The following POFUT3 variants were observed in gnomAD, a reference collection of about 807,000 sequenced individuals.
POFUT3 encodes the protein GDP-fucose protein O-fucosyltransferase 3.
the POFUT3 span, chr8:33,389,406 T>C: frequency 1.9e-6 from 3 of 1,614,192 alleles, no homozygotes; most frequent in Non-Finnish European, 2.5e-6. Flanking sequence ...GCTGGATTTT[T>C]CAGCTGCTGA....
At chr8:33,333,545 A>T in the POFUT3 span, among the ~76,000 whole-genome samples, 1 of 152,216 alleles carries the variant, frequency 6.6e-6, no homozygotes, top group Non-Finnish European at 1.5e-5. Flanking sequence ...TTCTTCAAAG[A>T]GTATTGATGT....
At chr8:33,372,102 C>A in the POFUT3 span, 1 of 956,122 alleles carries the variant, frequency 1.0e-6, no homozygotes, top group Non-Finnish European at 1.2e-6. Flanking sequence ...GCTTTTATTA[C>A]TCACTTACAT....
At chr8:33,456,227 C>A in the POFUT3 span, among the ~76,000 whole-genome samples, 1 of 152,202 alleles carries the variant, frequency 6.6e-6, no homozygotes, top group East Asian at 1.9e-4. Context: ...GGATACAACT[C>A]CAAAGGTAAA....
the POFUT3 span, among the ~76,000 whole-genome samples, chr8:33,323,222 G>A: frequency 1.1e-4 from 17 of 152,180 alleles, no homozygotes; most frequent in Non-Finnish European, 1.0e-4. Flanking sequence ...TATCTGAACT[G>A]TGTGTCTTGA....
the POFUT3 span, among the ~76,000 whole-genome samples, chr8:33,328,897 G>A: frequency 6.6e-6 from 1 of 152,160 alleles, no homozygotes; most frequent in Non-Finnish European, 1.5e-5. Flanking sequence ...AGCCTGGGCA[G>A]ACACCCATCC....
At chr8:33,457,588 A>G in the POFUT3 span, among the ~76,000 whole-genome samples, 1 of 152,108 alleles carries the variant, frequency 6.6e-6, no homozygotes, top group African/African-American at 2.4e-5. Flanking sequence ...ATATTCAGTA[A>G]TTGTTAATTT....
chr8:33,470,265 A>AAAAAG, the POFUT3 span, among the ~76,000 whole-genome samples: 2 of 138,726 alleles, frequency 1.4e-5, no homozygotes, highest in Non-Finnish European at 1.6e-5. Flanking sequence ...AAAAAAAAAA[A>AAAAAG]GTTAGCTGGG....
chr8:33,349,704 T>TCCATATTTTTGCA, the POFUT3 span, among the ~76,000 whole-genome samples: 4 of 152,220 alleles, frequency 2.6e-5, no homozygotes, highest in Non-Finnish European at 5.9e-5. Flanking sequence ...TTAGGCTAGT[T>TCCATATTTTTGCA]CCATATTTTT....
the POFUT3 span, among the ~76,000 whole-genome samples, chr8:33,308,149 T>C: frequency 6.6e-6 from 1 of 152,216 alleles, no homozygotes; most frequent in Non-Finnish European, 1.5e-5. Flanking sequence ...CATAATGTTG[T>C]TATACTATGT....
At chr8:33,380,023 ATATAC>A in the POFUT3 span, among the ~76,000 whole-genome samples, 1 of 86,330 alleles carries the variant, frequency 1.2e-5, no homozygotes, top group Admixed American at 1.5e-4. Context: ...TAGTATATAT[ATATAC>A]TATATATATA....
the POFUT3 span, among the ~76,000 whole-genome samples, chr8:33,439,007 A>C: frequency 6.6e-6 from 1 of 152,222 alleles, no homozygotes; most frequent in Non-Finnish European, 1.5e-5. Context: ...ACCCACAAAA[A>C]ATACATAGTA....
chr8:33,465,175 A>T, the POFUT3 span, among the ~76,000 whole-genome samples: 1 of 152,168 alleles, frequency 6.6e-6, no homozygotes, highest in African/African-American at 2.4e-5. Context: ...GAAGCAATTT[A>T]TTATAGTTAT....
chr8:33,393,663 C>G, the POFUT3 span, among the ~76,000 whole-genome samples: 1 of 152,168 alleles, frequency 6.6e-6, no homozygotes, highest in Non-Finnish European at 1.5e-5. Context: ...AATCACTCAT[C>G]TAGAGCTGAA....
At chr8:33,370,169 TAAAAAAAAAA>T in the POFUT3 span, among the ~76,000 whole-genome samples, 19 of 39,894 alleles carry the variant, frequency 4.8e-4, no homozygotes, top group South Asian at 9.2e-3. Context: ...CCATCTTTAC[TAAAAAAAAAA>T]AAAAAAAAAA....
At chr8:33,367,396 TC>T in the POFUT3 span, among the ~76,000 whole-genome samples, 6 of 152,234 alleles carry the variant, frequency 3.9e-5, no homozygotes, top group African/African-American at 1.4e-4. Flanking sequence ...TCCCTTCGTT[TC>T]CCGTAAGGAA....
At chr8:33,320,117 A>T in the POFUT3 span, among the ~76,000 whole-genome samples, 1 of 152,052 alleles carries the variant, frequency 6.6e-6, no homozygotes, top group East Asian at 1.9e-4. Flanking sequence ...TATGTCATTT[A>T]TATGAGATCT....
chr8:33,336,740 A>G, the POFUT3 span, among the ~76,000 whole-genome samples: 2 of 152,198 alleles, frequency 1.3e-5, no homozygotes, highest in African/African-American at 2.4e-5. Context: ...ACAATTCCTG[A>G]TATGGAGAAC....
the POFUT3 span, among the ~76,000 whole-genome samples, chr8:33,350,245 G>A: frequency 2.0e-5 from 3 of 152,096 alleles, no homozygotes; most frequent in Admixed American, 6.6e-5. Context: ...TTCCTTTGCT[G>A]TGCAGAAGCT....
the POFUT3 span, among the ~76,000 whole-genome samples, chr8:33,310,572 T>G: frequency 6.6e-6 from 1 of 151,628 alleles, no homozygotes; most frequent in African/African-American, 2.4e-5. Context: ...TAGCATCCAG[T>G]CCCAGCTACT....
Sources: gnomAD v4.1 joint callset for allele counts (sites outside exome capture counted in the v4.1 genomes callset) on GRCh38, gnomAD v4.1.1 for gene constraint, MANE v1.5 for transcripts, NCBI Gene and HGNC (gene_info 2026-07-23, HGNC 2026-07-21) for gene names.